DNAH12: variants seen among roughly 807,000 people sequenced by gnomAD.
DNAH12 encodes dynein axonemal heavy chain 12, also known as axonemal beta dynein heavy chain 12.
DNAH12 carries 285 observed loss-of-function variants against 371.5 expected under a neutral mutation model. That is an observed-to-expected ratio of 0.77 (90% CI 0.70 to 0.85). The LOEUF (loss-of-function observed/expected upper bound fraction) is 0.85. DNAH12 is among the 40% of genes least tolerant of loss of function. The pLI is 0.00. For synonymous variants in DNAH12, 1,200 were observed against 1,213.0 expected, an observed-to-expected ratio of 0.99 and a Z score of 0.22; for missense variants, 3,611 against 3,689.4, an observed-to-expected ratio of 0.98 and a Z score of 0.55.
chr3:57,314,737 G>A (rs1482077543), intron 65 of DNAH12, 106 bp from the exon 66 acceptor site: 14 of 1,196,958 alleles, frequency 1.2e-5, no homozygotes, highest in African/African-American at 1.6e-5. Flanking sequence ...CTGTGATCAC[G>A]TATCTCTACA....
chr3:57,526,609 A>G (rs1395441949), intron 2 of DNAH12, among the ~76,000 whole-genome samples: 2 of 149,936 alleles, frequency 1.3e-5, no homozygotes, highest in Non-Finnish European at 3.0e-5. Context: ...GCTCACTGCA[A>G]CCTCTGACTC....
At chr3:57,423,985 C>T (rs2064677700) in intron 35 of DNAH12, among the ~76,000 whole-genome samples, 1 of 151,922 alleles carries the variant, frequency 6.6e-6, no homozygotes, top group Non-Finnish European at 1.5e-5. Context: ...ATGATCTGCC[C>T]ACCTTGGCCT....
chr3:57,298,003 A>G (rs759050768), intron 70 of DNAH12, among the ~76,000 whole-genome samples: 18 of 152,216 alleles, frequency 1.2e-4, no homozygotes, highest in Non-Finnish European at 2.2e-4. Context: ...CAGTTCTATT[A>G]TATCTCTTTT....
At chr3:57,480,931 G>C (rs1351080045) in intron 13 of DNAH12, among the ~76,000 whole-genome samples, 1 of 152,122 alleles carries the variant, frequency 6.6e-6, no homozygotes, top group East Asian at 1.9e-4. Flanking sequence ...AAAATAATAA[G>C]AGCTATCTAT....
At chr3:57,531,910 T>C (rs969784662) in intron 2 of DNAH12, among the ~76,000 whole-genome samples, 2 of 152,152 alleles carry the variant, frequency 1.3e-5, no homozygotes, top group African/African-American at 4.8e-5. Flanking sequence ...TATTATCTCT[T>C]GGAATAAACC....
rs35588123 is a variant in DNAH12 at position 57,534,508 on chromosome 3, C to CTTTT, written c.170+8189_170+8192dup. Among the ~76,000 whole-genome samples the CTTTT allele has an allele frequency of 3.2e-3, 350 of 108,792 alleles. 15 individuals carry two copies. The highest frequency in any genetic ancestry group is 0.012 in the African/African-American group (324 of 27,100). The allele number at this position is 108,792 out of a possible 152,430, so 71.4% of individuals were successfully genotyped here. A position where few individuals can be genotyped will look rare whatever the true frequency, so the allele number is the denominator to read the frequency against. On this transcript the variant is annotated intron_variant, in intron 2 of 73. Transcript: ENST00000495027. ...GGTAGCCCAATTTATTGTTAGCTAG[C>CTTTT]TTTTTTTTTTTTTTTTTTTGAGACA...
intron 55 of DNAH12, among the ~76,000 whole-genome samples, chr3:57,374,567 A>G (rs1336374450): frequency 1.3e-5 from 2 of 152,338 alleles, no homozygotes; most frequent in African/African-American, 4.8e-5. Flanking sequence ...TGCATAAATT[A>G]TCAAGTTACT....
intron 40 of DNAH12, among the ~76,000 whole-genome samples, chr3:57,407,745 T>C (rs149317976): frequency 8.5e-4 from 129 of 152,340 alleles, no homozygotes; most frequent in Middle Eastern, 3.4e-3. Flanking sequence ...AAACTGTTCT[T>C]TGGCCATATG....
intron 62 of DNAH12, among the ~76,000 whole-genome samples, chr3:57,331,284 C>G (rs1348826559): frequency 6.6e-6 from 1 of 152,112 alleles, no homozygotes; most frequent in African/African-American, 2.4e-5. Context: ...ATCAGGGGAG[C>G]CATTCTGTAA....
intron 13 of DNAH12, among the ~76,000 whole-genome samples, chr3:57,474,206 T>A (rs1423531374): frequency 6.6e-6 from 1 of 152,212 alleles, no homozygotes; most frequent in Non-Finnish European, 1.5e-5. Context: ...ATTTGCAAGT[T>A]ATATAATGGT....
intron 29 of DNAH12, among the ~76,000 whole-genome samples, chr3:57,442,018 A>T (rs898744926): frequency 6.6e-6 from 1 of 152,176 alleles, no homozygotes. Flanking sequence ...CTATGAAATA[A>T]CATCTTTAAA....
intron 11 of DNAH12, among the ~76,000 whole-genome samples, chr3:57,491,081 C>CAAAAAAAAAAA (rs553885449): frequency 1.1e-3 from 75 of 70,258 alleles, no homozygotes; most frequent in Non-Finnish European, 1.6e-3. Flanking sequence ...GACTCTATCT[C>CAAAAAAAAAAA]AAAAAAAAAA....
chr3:57,446,810 ATTGT>A (rs1372910480), intron 25 of DNAH12, 121 bp from the exon 26 acceptor site: 4 of 1,060,272 alleles, frequency 3.8e-6, no homozygotes, highest in East Asian at 3.0e-5. Context: ...ATATAATTAC[ATTGT>A]TTAATTTTTA....
At chr3:57,488,927 A>G (rs944826189) in intron 12 of DNAH12, among the ~76,000 whole-genome samples, 1 of 144,148 alleles carries the variant, frequency 6.9e-6, no homozygotes, top group East Asian at 2.0e-4. Context: ...AAGAAAGGTA[A>G]GAAATCCAAA....
chr3:57,448,571 A>C (rs1343466017), intron 25 of DNAH12, among the ~76,000 whole-genome samples: 1 of 152,254 alleles, frequency 6.6e-6, no homozygotes, highest in Non-Finnish European at 1.5e-5. Flanking sequence ...TATTGCAAAA[A>C]GCAAAAGAAC....
intron 2 of DNAH12, among the ~76,000 whole-genome samples, chr3:57,533,619 G>A (rs552313885): frequency 7.9e-5 from 12 of 152,240 alleles, no homozygotes; most frequent in African/African-American, 2.9e-4. Context: ...TTCCCTTCTG[G>A]CCAACGATGT....
chr3:57,492,531 AT>A (rs1419783624), intron 11 of DNAH12, among the ~76,000 whole-genome samples: 1 of 152,060 alleles, frequency 6.6e-6, no homozygotes, highest in Admixed American at 6.6e-5. Context: ...TCATTCTTAA[AT>A]TTCCCCCAAA....
intron 10 of DNAH12, 22 bp downstream of exon 10, chr3:57,502,301 A>T: frequency 6.2e-7 from 1 of 1,612,772 alleles, no homozygotes; most frequent in Non-Finnish European, 8.5e-7. Flanking sequence ...AAATGGTATA[A>T]TATTATGTAT....
At chr3:57,537,207 A>T (rs2069082708) in intron 2 of DNAH12, among the ~76,000 whole-genome samples, 1 of 152,114 alleles carries the variant, frequency 6.6e-6, no homozygotes, top group Admixed American at 6.5e-5. Context: ...AAAAAAAAAG[A>T]GGGGGTGGCA....
Sources: allele counts gnomAD v4.1 joint callset (sites outside exome capture counted in the v4.1 genomes callset), GRCh38; gene constraint gnomAD v4.1.1; transcripts MANE v1.5; gene names NCBI Gene and HGNC (gene_info 2026-07-23, HGNC 2026-07-21).